The following CTNND2 variants were observed in gnomAD, a reference collection of about 807,000 sequenced individuals.
CTNND2 encodes the protein catenin delta 2.
Under a neutral mutation model 144.4 loss-of-function variants are expected in CTNND2, and 22 were observed. The ratio of observed to expected loss-of-function variants is 0.15; its 90% CI spans 0.11 to 0.22. CTNND2 has a LOEUF of 0.22. Among genes scored for constraint, CTNND2 ranks in the 10% least tolerant of loss-of-function variants. The probability of loss-of-function intolerance (pLI) is 1.00; values close to 1 mark genes in which losing one functional copy is unlikely to be tolerated. For synonymous variants in CTNND2, 751 were observed against 695.6 expected (o/e 1.08, Z -1.25); for missense variants, 1,353 against 1,618.8 (o/e 0.84, Z 2.82).
intron 9 of CTNND2, among the ~76,000 whole-genome samples, chr5:11,307,680 G>A (rs189775181): frequency 3.0e-4 from 46 of 152,150 alleles, no homozygotes; most frequent in Admixed American, 2.9e-3. Context: ...GATGAAAAAA[G>A]TATCAATTAT....
At chr5:11,045,805 TG>T (rs1372586768) in intron 16 of CTNND2, among the ~76,000 whole-genome samples, 7 of 152,156 alleles carry the variant, frequency 4.6e-5, no homozygotes, top group Non-Finnish European at 1.0e-4. Flanking sequence ...GACAGATTTT[TG>T]GGGGGCCACC....
rs1165954927 is a variant in CTNND2 at position 11,397,075 on chromosome 5, C to T, written c.568G>A (p.Ala190Thr). Residue 190 changes from alanine (A) to threonine (T), a missense_variant, in exon 6 of 22, where the codon GCC becomes ACC. Around this residue, in one of 4 missense-constraint regions of CTNND2, gnomAD observed 708 missense variants for 706.4 expected, o/e 1.00. Coordinates refer to ENST00000304623, the MANE Select transcript of CTNND2 (RefSeq NM_001332.4). ...LGETTPSQLP[A>T]RGTQARATGQ... ...GTAGCTCGGGCTTGTGTGCCTCGGG[C>T]CGGGAGCTGTGAAGGGGTGGTTTCC... The T allele has an allele frequency of 6.2e-7, 1 of 1,613,868 alleles. No individual in the cohort carries two copies. The highest frequency in any genetic ancestry group is 8.5e-7 in the Non-Finnish European group (1 of 1,180,038).
chr5:11,044,870 T>C (rs1745068253), intron 16 of CTNND2, among the ~76,000 whole-genome samples: 1 of 152,236 alleles, frequency 6.6e-6, no homozygotes, highest in Non-Finnish European at 1.5e-5. Flanking sequence ...AATGTAGGAC[T>C]TCAGGGGTTT....
At chr5:11,415,923 G>C (rs1226562899) in intron 3 of CTNND2, among the ~76,000 whole-genome samples, 1 of 152,088 alleles carries the variant, frequency 6.6e-6, no homozygotes. Flanking sequence ...GCATGCCTGA[G>C]TAACTATGTG....
At chr5:11,195,460 A>T (rs1403870133) in intron 11 of CTNND2, among the ~76,000 whole-genome samples, 1 of 152,232 alleles carries the variant, frequency 6.6e-6, no homozygotes, top group East Asian at 1.9e-4. Context: ...CAATATCCAA[A>T]TCCGTCCTGA....
intron 5 of CTNND2, among the ~76,000 whole-genome samples, chr5:11,407,172 G>A (rs941897027): frequency 1.3e-5 from 2 of 152,168 alleles, no homozygotes; most frequent in African/African-American, 4.8e-5. Flanking sequence ...TATTCATTAT[G>A]TAGAAAGCTA....
At chr5:11,340,489 G>A (rs1013750420) in intron 9 of CTNND2, among the ~76,000 whole-genome samples, 3 of 152,166 alleles carry the variant, frequency 2.0e-5, no homozygotes, top group Non-Finnish European at 4.4e-5. Flanking sequence ...ATACAACCTC[G>A]CTGAGGACAC....
At chr5:11,684,400 C>T (rs1256344914) in intron 2 of CTNND2, among the ~76,000 whole-genome samples, 1 of 152,042 alleles carries the variant, frequency 6.6e-6, no homozygotes, top group Non-Finnish European at 1.5e-5. Context: ...CCGCAGCCGG[C>T]CTACATGTTA....
intron 3 of CTNND2, among the ~76,000 whole-genome samples, chr5:11,539,599 G>A (rs143919739): frequency 6.7e-4 from 102 of 152,328 alleles, no homozygotes; most frequent in African/African-American, 2.2e-3. Flanking sequence ...CTCTTGTGAC[G>A]TTTATGCAAG....
intron 3 of CTNND2, among the ~76,000 whole-genome samples, chr5:11,431,225 C>T (rs1763259223): frequency 6.6e-6 from 1 of 152,094 alleles, no homozygotes. Context: ...GTGAAAGTCA[C>T]ATAACACTCT....
At chr5:11,379,207 C>T (rs757388457) in intron 7 of CTNND2, among the ~76,000 whole-genome samples, 4 of 152,136 alleles carry the variant, frequency 2.6e-5, no homozygotes, top group Admixed American at 1.3e-4. Flanking sequence ...AATAGGATGT[C>T]GACAGCTTTT....
chr5:11,033,538 A>C (rs1307691841), intron 16 of CTNND2, among the ~76,000 whole-genome samples: 3 of 152,186 alleles, frequency 2.0e-5, no homozygotes, highest in African/African-American at 7.2e-5. Context: ...TAAGAAAAAA[A>C]ATAAAAATCT....
chr5:11,009,232 T>C (rs1322432660), intron 18 of CTNND2, among the ~76,000 whole-genome samples: 1 of 152,178 alleles, frequency 6.6e-6, no homozygotes, highest in Non-Finnish European at 1.5e-5. Flanking sequence ...ACTGCCCTCA[T>C]GAGAGATGGA....
intron 12 of CTNND2, among the ~76,000 whole-genome samples, chr5:11,153,841 G>A (rs900493048): frequency 6.6e-6 from 1 of 152,190 alleles, no homozygotes; most frequent in African/African-American, 2.4e-5. Context: ...AAGTTAGCCA[G>A]CCAGCCTTAT....
At chr5:11,817,981 GTTTT>G (rs35360011) in intron 1 of CTNND2, among the ~76,000 whole-genome samples, 3 of 31,882 alleles carry the variant, frequency 9.4e-5, no homozygotes, top group East Asian at 2.1e-3. Flanking sequence ...ATTATGAGGT[GTTTT>G]TTTTTTTTTT....
chr5:11,216,698 C>G (rs1739235359), intron 10 of CTNND2, among the ~76,000 whole-genome samples: 1 of 152,210 alleles, frequency 6.6e-6, no homozygotes, highest in Non-Finnish European at 1.5e-5. Flanking sequence ...AAATTTGTTA[C>G]AGCAGCAATA....
chr5:11,713,111 A>G (rs891443629), intron 2 of CTNND2, among the ~76,000 whole-genome samples: 9 of 152,350 alleles, frequency 5.9e-5, no homozygotes, highest in Admixed American at 5.2e-4. Context: ...CTATGACCAG[A>G]CAGAAATACT....
At chr5:11,722,538 C>T (rs533074401) in intron 2 of CTNND2, among the ~76,000 whole-genome samples, 14 of 152,252 alleles carry the variant, frequency 9.2e-5, no homozygotes, top group Admixed American at 4.6e-4. Context: ...AATTTATAAA[C>T]GAAAGAGGTT....
chr5:11,611,025 A>G (rs1198790961), intron 2 of CTNND2, among the ~76,000 whole-genome samples: 1 of 152,164 alleles, frequency 6.6e-6, no homozygotes, highest in Admixed American at 6.5e-5. Context: ...TAGTTCCCAT[A>G]TTCTCCATGT....
Sources: allele counts gnomAD v4.1 joint callset (sites outside exome capture counted in the v4.1 genomes callset), GRCh38; gene constraint gnomAD v4.1.1; regional missense constraint gnomAD v4.1.1; transcripts MANE v1.5; gene names NCBI Gene and HGNC (gene_info 2026-07-23, HGNC 2026-07-21).